Variants in RAB11FIP1 observed in about 807,000 individuals in gnomAD.
RAB11FIP1 encodes the protein RAB11 family interacting protein 1.
RAB11FIP1 carries 49 observed loss-of-function variants against 83.1 expected under a neutral mutation model. The ratio of observed to expected loss-of-function variants is 0.59; its 90% CI spans 0.47 to 0.75. The LOEUF (loss-of-function observed/expected upper bound fraction) is 0.75. RAB11FIP1 is among the 30% of genes least tolerant of loss of function. The pLI is 0.00. For synonymous variants in RAB11FIP1, 670 were observed against 656.0 expected (o/e 1.02, Z -0.33); for missense variants, 1,536 against 1,598.7 (o/e 0.96, Z 0.67).
chr8:37,888,087 A>G (rs1461377777), intron 1 of RAB11FIP1, among the ~76,000 whole-genome samples: 2 of 152,248 alleles, frequency 1.3e-5, no homozygotes, highest in African/African-American at 2.4e-5. Flanking sequence ...TTTGCATTAT[A>G]TAATTTCCAA....
intron 5 of RAB11FIP1, among the ~76,000 whole-genome samples, chr8:37,866,401 A>C (rs892460434): frequency 1.2e-4 from 18 of 152,240 alleles, no homozygotes; most frequent in African/African-American, 2.4e-4. Context: ...GGAGAAGAAG[A>C]AGCACAGAGA....
intron 1 of RAB11FIP1, among the ~76,000 whole-genome samples, chr8:37,878,533 C>CAAAAAAAA (rs918942295): frequency 4.2e-5 from 1 of 24,092 alleles, no homozygotes; most frequent in African/African-American, 1.5e-4. Context: ...GACTCCATCT[C>CAAAAAAAA]AAAAAAAAAA....
intron 5 of RAB11FIP1, among the ~76,000 whole-genome samples, chr8:37,863,332 G>A (rs1157926060): frequency 2.6e-5 from 4 of 152,106 alleles, no homozygotes; most frequent in South Asian, 4.2e-4. Flanking sequence ...TGCAACCTCC[G>A]CCTCCTGGGT....
At chr8:37,873,405 G>T (rs543065876) in intron 3 of RAB11FIP1, 12 of 448,730 alleles carry the variant, frequency 2.7e-5, no homozygotes, top group Non-Finnish European at 4.7e-5. Flanking sequence ...AGGAGTTCAA[G>T]ACCAGCCCAG....
At chr8:37,898,937 C>T in intron 1 of RAB11FIP1, 134 bp downstream of exon 1, 2 of 953,488 alleles carry the variant, frequency 2.1e-6, no homozygotes, top group Non-Finnish European at 2.9e-6. Flanking sequence ...ACACCAGCAC[C>T]GGCCGAGGGC....
Position 37,861,599 on chromosome 8 carries a change from C to CT in RAB11FIP1, c.*1295dup, listed in dbSNP as rs1310012652. On this transcript the variant is annotated 3_prime_UTR_variant, in exon 6 of 6. Coordinates refer to ENST00000330843, the MANE Select transcript of RAB11FIP1 (RefSeq NM_001002814.3). ...GAGTCTTAAAAAAATTGCCCAGGCT[C>CT]TTTTTTTAAGAGTCTTAAAAAAACT... 1 of 439,386 alleles carries CT rather than the reference C, an allele frequency of 2.3e-6. No individual in the cohort carries two copies. Among genetic ancestry groups the CT allele is most frequent in the African/African-American group, 2.1e-5 (1 of 48,272 alleles). 27.2% of individuals were successfully genotyped at this position (439,386 alleles called of 1,614,324 possible).
At chr8:37,874,332 A>G (rs957446332) in intron 3 of RAB11FIP1, among the ~76,000 whole-genome samples, 183 bp downstream of exon 3, 1 of 152,240 alleles carries the variant, frequency 6.6e-6, no homozygotes, top group Non-Finnish European at 1.5e-5. Context: ...ACATCACTGC[A>G]ATTTATACAG....
rs533128348 is a variant in RAB11FIP1 at position 37,871,867 on chromosome 8, C to T, written c.2935G>A (p.Gly979Arg). The change falls in exon 4 of 6, where the codon GGA becomes AGA. Residue 979 changes from glycine (G) to arginine (R), a missense_variant. Transcript: ENST00000330843. ...DERIDQVEDDGDQVEDDGETA... is the reference protein window; with the variant it reads ...DERIDQVEDDRDQVEDDGETA... Reference sequence around the variant, plus strand: ...TCTCCATCATCTTCAACCTGATCTCCGTCATCTTCAACCTGATCTATTCTT... The same window carrying T: ...TCTCCATCATCTTCAACCTGATCTCTGTCATCTTCAACCTGATCTATTCTT... 4.3e-5 allele frequency: 70 copies of T among 1,614,038 alleles called. No homozygotes were observed. Among genetic ancestry groups the T allele is most frequent in the African/African-American group, 5.3e-5 (4 of 75,048 alleles).
intron 1 of RAB11FIP1, among the ~76,000 whole-genome samples, chr8:37,890,091 C>G (rs1806915890): frequency 6.6e-6 from 1 of 152,220 alleles, no homozygotes; most frequent in Non-Finnish European, 1.5e-5. Flanking sequence ...CAAAGCATTT[C>G]TAAATCCTGT....
intron 5 of RAB11FIP1, among the ~76,000 whole-genome samples, chr8:37,867,559 T>C (rs771181481): frequency 9.2e-5 from 14 of 151,902 alleles, no homozygotes; most frequent in Non-Finnish European, 1.8e-4. Flanking sequence ...ACAAAAAAAT[T>C]AGCTGGGTGT....
At chr8:37,888,542 C>T (rs986926597) in intron 1 of RAB11FIP1, among the ~76,000 whole-genome samples, 4 of 151,670 alleles carry the variant, frequency 2.6e-5, no homozygotes, top group Admixed American at 2.6e-4. Context: ...GCAGTGATGC[C>T]ATCACGGCTC....
At chr8:37,895,228 TATATATATATATATATATATATATA>T (rs1807041964) in intron 1 of RAB11FIP1, among the ~76,000 whole-genome samples, 1 of 5,154 alleles carries the variant, frequency 1.9e-4, no homozygotes, top group Non-Finnish European at 4.1e-4. Context: ...AATATATATA[TATATATATATATATATATATATATA>T]TATATATTTT....
chr8:37,890,232 CA>C (rs1351320769), intron 1 of RAB11FIP1, among the ~76,000 whole-genome samples: 2 of 152,244 alleles, frequency 1.3e-5, no homozygotes, highest in Non-Finnish European at 2.9e-5. Flanking sequence ...GTATTTCACA[CA>C]GGATGCCCAT....
intron 5 of RAB11FIP1, among the ~76,000 whole-genome samples, chr8:37,867,934 T>A (rs1046192373): frequency 1.7e-4 from 26 of 152,262 alleles, no homozygotes; most frequent in Middle Eastern, 3.4e-3. Context: ...CCAGAGGGAA[T>A]AACAAGTACC....
At chr8:37,894,540 C>T (rs929028412) in intron 1 of RAB11FIP1, among the ~76,000 whole-genome samples, 1 of 151,888 alleles carries the variant, frequency 6.6e-6, no homozygotes, top group Non-Finnish European at 1.5e-5. Flanking sequence ...GGAGGACTAT[C>T]GCAATATTAA....
At chr8:37,884,964 G>A (rs1806799166) in intron 1 of RAB11FIP1, among the ~76,000 whole-genome samples, 1 of 151,552 alleles carries the variant, frequency 6.6e-6, no homozygotes, top group African/African-American at 2.4e-5. Context: ...GATTACAGGT[G>A]TGAGCCATTG....
At position 37,863,119 on chromosome 8, in the gene RAB11FIP1, G is replaced by T; in HGVS notation, c.3634-6C>A. 6.2e-7 allele frequency: 1 copy of T among 1,607,224 alleles called. No individual in the cohort carries two copies. Among genetic ancestry groups the T allele is most frequent in the Non-Finnish European group, 8.5e-7 (1 of 1,176,210 alleles). On this transcript the variant is annotated splice_polypyrimidine_tract_variant and splice_region_variant and intron_variant, in intron 5 of 5. Coordinates refer to ENST00000330843, the MANE Select transcript of RAB11FIP1 (RefSeq NM_001002814.3). Reference sequence around the variant, plus strand: ...GGGTCCGAGGGGCTGTATTTCTTTGGAGGGGGGGAAATAGTTGGGAAAAAG... The same window carrying T: ...GGGTCCGAGGGGCTGTATTTCTTTGTAGGGGGGGAAATAGTTGGGAAAAAG...
In RAB11FIP1 at chr8:37,872,001, A is replaced by C. The variant is rs1400426695; in HGVS notation, c.2801T>G (p.Leu934Trp). Residue 934 changes from leucine to tryptophan, a missense_variant, in exon 4 of 6, where the codon TTG becomes TGG. Coordinates refer to ENST00000330843, the MANE Select transcript of RAB11FIP1 (RefSeq NM_001002814.3). Reference protein sequence around the residue: ...QSKASDHEGLLSDPLSDLQLV... With the variant: ...QSKASDHEGLWSDPLSDLQLV... ...CTGAAGGTCACTCAAGGGGTCAGAC[A>C]ATAAACCTTCGTGGTCACTGGCTTT... The C allele has an allele frequency of 6.2e-6, 10 of 1,614,210 alleles. No individual in the cohort carries two copies. In the South Asian group the frequency reaches 9.9e-5, roughly 16 times the overall value.
intron 1 of RAB11FIP1, 92 bp downstream of exon 1, chr8:37,898,979 C>T (rs542027687): frequency 1.6e-6 from 2 of 1,289,988 alleles, no homozygotes; most frequent in East Asian, 3.1e-5. Context: ...CGCTGCTGCC[C>T]GGCTTACTCT....
Sources: allele counts gnomAD v4.1 joint callset (sites outside exome capture counted in the v4.1 genomes callset), GRCh38; gene constraint gnomAD v4.1.1; transcripts MANE v1.5; gene names NCBI Gene and HGNC (gene_info 2026-07-23, HGNC 2026-07-21).